MBTPS2: variants seen among roughly 807,000 people sequenced by gnomAD.
MBTPS2 encodes the protein membrane-bound transcription factor site-2 protease.
MBTPS2 carries 2 observed loss-of-function variants against 35.4 expected under a neutral mutation model. That is an observed-to-expected ratio of 0.06 (90% CI 0.02 to 0.18). MBTPS2 has a LOEUF of 0.18. MBTPS2 is among the 10% of genes least tolerant of loss of function. The probability of loss-of-function intolerance (pLI) is 1.00; values close to 1 mark genes in which losing one functional copy is unlikely to be tolerated. For missense variants in MBTPS2, 244 were observed against 386.5 expected (o/e 0.63, Z 3.09); for synonymous variants, 125 against 140.4 (o/e 0.89, Z 0.77).
chrX:21,859,825 G>A (rs1602144775), intron 5 of MBTPS2, among the ~76,000 whole-genome samples: 1 of 111,765 alleles, frequency 8.9e-6, no homozygotes, highest in African/African-American at 3.2e-5. Context: ...AGGTGCAGGG[G>A]CTCATGCCTG....
chrX:21,885,047 C>T lies in MBTPS2; in HGVS notation c.*2392C>T, dbSNP rs2147457187. On this transcript the variant is annotated 3_prime_UTR_variant, in exon 11 of 11. Transcript: ENST00000379484. ...TAAAACTTTATTCTCAGTGTTCCTA[C>T]TCTGCATTGTTTACATTTTTGACAG... 1.3e-6 allele frequency: 1 copy of T among 751,115 alleles called. No homozygotes were observed. Among genetic ancestry groups the T allele is most frequent in the Admixed American group, 8.8e-5 (1 of 11,320 alleles). The allele number at this position is 751,115 out of a possible 1,213,427, so 61.9% of individuals were successfully genotyped here. A position where few individuals can be genotyped will look rare whatever the true frequency, so the allele number is the denominator to read the frequency against.
At chrX:21,880,359 T>C (rs751090459) in intron 9 of MBTPS2, among the ~76,000 whole-genome samples, 105 of 111,748 alleles carry the variant, frequency 9.4e-4, no homozygotes, top group Middle Eastern at 9.1e-3. Flanking sequence ...TACTGTAGAC[T>C]GTAACTATGA....
chrX:21,881,085 A>G, intron 10 of MBTPS2, 113 bp downstream of exon 10: 1 of 557,720 alleles, frequency 1.8e-6, no homozygotes, highest in South Asian at 2.5e-5. Context: ...CTTAATTGCT[A>G]ACAACTAAAA....
At chrX:21,879,702 C>T (rs1202841870) in intron 9 of MBTPS2, among the ~76,000 whole-genome samples, 1 of 110,825 alleles carries the variant, frequency 9.0e-6, no homozygotes, top group African/African-American at 3.3e-5. Flanking sequence ...TCCCCAACAC[C>T]CCCAGCCCTT....
intron 3 of MBTPS2, among the ~76,000 whole-genome samples, chrX:21,848,465 C>T (rs2092910967): frequency 9.2e-6 from 1 of 109,075 alleles, no homozygotes; most frequent in African/African-American, 3.4e-5. Context: ...GAGATCGAGA[C>T]CATCCTGGCT....
chrX:21,845,269 ACTCTCC>A lies in MBTPS2; in HGVS notation c.328_333del (p.Pro110_Ser111del). The A allele has an allele frequency of 8.3e-7, 1 of 1,203,818 alleles. No homozygotes were observed. Among genetic ancestry groups the A allele is most frequent in the South Asian group, 1.8e-5 (1 of 56,740 alleles). On this transcript the variant is annotated inframe_deletion, in exon 3 of 11. Coordinates refer to ENST00000379484, the MANE Select transcript of MBTPS2 (RefSeq NM_015884.4). Reference sequence around the variant, plus strand: ...CAGACTTTGGCACAAATGATGGCTGACTCTCCCTCTTCTTATTCTTCCTCCTCTTCT... The same window carrying A: ...CAGACTTTGGCACAAATGATGGCTGACTCTTCTTATTCTTCCTCCTCTTCT...
Position 21,869,685 on chromosome X carries a change from A to G in MBTPS2, c.970+7A>G. 3 of 1,170,636 alleles carry G rather than the reference A, an allele frequency of 2.6e-6. No individual in the cohort carries two copies. Among genetic ancestry groups the G allele is most frequent in the Non-Finnish European group, 3.5e-6 (3 of 857,947 alleles). On this transcript the variant is annotated splice_region_variant and intron_variant, in intron 7 of 10. Transcript: ENST00000379484. ...TTAAGTTTCCCAGTTAGAGGTGTGT[A>G]TATTTCCTCAATATAATATAATGCT...
At chrX:21,842,505 G>A (rs1351025927) in intron 1 of MBTPS2, among the ~76,000 whole-genome samples, 1 of 109,322 alleles carries the variant, frequency 9.1e-6, no homozygotes, top group East Asian at 2.9e-4. Flanking sequence ...TTAGCCACAT[G>A]TGGTTATTGA....
Position 21,884,154 on chromosome X carries a change from A to C in MBTPS2, c.*1499A>C. On this transcript the variant is annotated 3_prime_UTR_variant, in exon 11 of 11. Transcript: ENST00000379484. Reference sequence around the variant, plus strand: ...ACAAATTTGCCTTAACAGTAATTAGATGTTGAATATAATTTTAACATTTTA... The same window carrying C: ...ACAAATTTGCCTTAACAGTAATTAGCTGTTGAATATAATTTTAACATTTTA... 1 of 713,986 alleles carries C rather than the reference A, an allele frequency of 1.4e-6. No individual in the cohort carries two copies. Among genetic ancestry groups the C allele is most frequent in the Non-Finnish European group, 1.7e-6 (1 of 602,261 alleles). The allele number at this position is 713,986 out of a possible 1,213,427, so 58.8% of individuals were successfully genotyped here.
At chrX:21,859,859 A>G (rs769558317) in intron 5 of MBTPS2, among the ~76,000 whole-genome samples, 40 of 111,268 alleles carry the variant, frequency 3.6e-4, no homozygotes, top group South Asian at 2.3e-3. Context: ...TTGGAAGGCC[A>G]AGGTGGGTGG....
chrX:21,875,437 C>T (rs1358341355), intron 7 of MBTPS2, among the ~76,000 whole-genome samples: 1 of 111,815 alleles, frequency 8.9e-6, no homozygotes, highest in Non-Finnish European at 1.9e-5. Flanking sequence ...TGCATATGAT[C>T]CACTTCATTT....
intron 8 of MBTPS2, 77 bp downstream of exon 8, chrX:21,878,213 T>C (rs2092955194): frequency 1.5e-6 from 1 of 667,703 alleles, no homozygotes; most frequent in African/African-American, 2.2e-5. Context: ...AAATGGAATC[T>C]ATGGAAACTT....
intron 9 of MBTPS2, among the ~76,000 whole-genome samples, chrX:21,879,583 T>C (rs971522606): frequency 9.0e-6 from 1 of 111,020 alleles, no homozygotes; most frequent in African/African-American, 3.3e-5. Context: ...CCCGGCCCAG[T>C]GATTTTTAAT....
chrX:21,847,576 C>T, intron 3 of MBTPS2, among the ~76,000 whole-genome samples: 1 of 112,042 alleles, frequency 8.9e-6, no homozygotes. Context: ...GACCTACCAT[C>T]TGTTGGTATT....
At chrX:21,864,257 G>T (rs2092936808) in intron 5 of MBTPS2, among the ~76,000 whole-genome samples, 2 of 112,017 alleles carry the variant, frequency 1.8e-5, no homozygotes, top group South Asian at 7.4e-4. Context: ...GTTTGAGACG[G>T]AGTTTTGCTC....
chrX:21,885,251 G>C lies in MBTPS2; in HGVS notation c.*2596G>C, dbSNP rs1414587917. On this transcript the variant is annotated 3_prime_UTR_variant, in exon 11 of 11. Coordinates refer to ENST00000379484, the MANE Select transcript of MBTPS2 (RefSeq NM_015884.4). ...TATTGTGGCTCTCAGTCATCACTTT[G>C]TCCTATGGTATTTATTGAATGTTCA... The C allele has an allele frequency of 1.3e-6, 1 of 749,613 alleles. No homozygotes were observed. The highest frequency in any genetic ancestry group is 2.3e-5 in the African/African-American group (1 of 43,094). 61.8% of individuals were successfully genotyped at this position (749,613 alleles called of 1,213,427 possible). A position where few individuals can be genotyped will look rare whatever the true frequency, so the allele number is the denominator to read the frequency against.
At chrX:21,870,031 A>G (rs550485301) in intron 7 of MBTPS2, 10 of 172,004 alleles carry the variant, frequency 5.8e-5, no homozygotes, top group South Asian at 2.3e-4. Flanking sequence ...ACTTGAGGTC[A>G]GGAGTTCATG....
chrX:21,868,689 C>T lies in MBTPS2; in HGVS notation c.789+104C>T, dbSNP rs6653655. 2.1e-3 allele frequency: 1,278 copies of T among 595,710 alleles called. 10 individuals are homozygous for T. In the African/African-American group the frequency reaches 0.024, roughly 11 times the overall value. 49.1% of individuals were successfully genotyped at this position (595,710 alleles called of 1,213,427 possible). A position where few individuals can be genotyped will look rare whatever the true frequency, so the allele number is the denominator to read the frequency against. On this transcript the variant is annotated intron_variant, in intron 6 of 10. Transcript: ENST00000379484. ...TCAAGATCTCTTCATATACAAAATG[C>T]TTAGTTTCTTCTGAAGAAATTACTG...
intron 7 of MBTPS2, among the ~76,000 whole-genome samples, chrX:21,875,028 C>A (rs1176246731): frequency 4.5e-5 from 5 of 112,323 alleles, no homozygotes; most frequent in Non-Finnish European, 9.4e-5. Context: ...TTACTTCTCA[C>A]ATGCAAACAA....
Sources: gnomAD v4.1 joint callset for allele counts (sites outside exome capture counted in the v4.1 genomes callset) on GRCh38, gnomAD v4.1.1 for gene constraint, MANE v1.5 for transcripts, NCBI Gene and HGNC (gene_info 2026-07-23, HGNC 2026-07-21) for gene names.